The following UBN2 variants were observed in gnomAD, a reference collection of about 807,000 sequenced individuals.
UBN2 encodes ubinuclein-2.
A neutral mutation model predicts 120.2 loss-of-function variants in UBN2; 35 were observed. The observed-to-expected ratio is 0.29, with a 90% CI of 0.22 to 0.39. UBN2 has a LOEUF of 0.39. UBN2 is among the 10% of genes least tolerant of loss of function. The pLI is 1.00. For missense variants in UBN2, 1,693 were observed against 1,663.2 expected (o/e 1.02, Z -0.31); for synonymous variants, 661 against 648.7 (o/e 1.02, Z -0.29).
intron 17 of UBN2, 116 bp from the exon 18 acceptor site, chr7:139,297,671 C>G (rs548101946): frequency 2.2e-6 from 2 of 900,174 alleles, no homozygotes; most frequent in East Asian, 2.6e-5. Context: ...AAAGTGATAT[C>G]TTTTCAGAGA....
the UBN2 span, among the ~76,000 whole-genome samples, chr7:139,314,377 C>T: frequency 1.9e-4 from 28 of 151,038 alleles, no homozygotes; most frequent in Admixed American, 6.6e-4. Context: ...ATCGCTTGAA[C>T]CCGGGAGGCA....
At chr7:139,265,152 A>C (rs1342324035) in intron 6 of UBN2, among the ~76,000 whole-genome samples, 2 of 151,994 alleles carry the variant, frequency 1.3e-5, no homozygotes, top group Admixed American at 1.3e-4. Flanking sequence ...TCTTGATGGG[A>C]ATTGATTTTT....
At chr7:139,297,706 A>G in intron 17 of UBN2, 81 bp from the exon 18 acceptor site, 2 of 1,279,570 alleles carry the variant, frequency 1.6e-6, no homozygotes, top group Non-Finnish European at 2.3e-6. Context: ...GATAAAAGTT[A>G]ATTGTTGTTT....
chr7:139,293,087 A>T, intron 15 of UBN2, 145 bp from the exon 16 acceptor site: 1 of 655,548 alleles, frequency 1.5e-6, no homozygotes, highest in Non-Finnish European at 2.6e-6. Context: ...TAAGGAACCT[A>T]CCGTGGTAAT....
the UBN2 span, among the ~76,000 whole-genome samples, chr7:139,319,245 G>A: frequency 6.6e-6 from 1 of 152,080 alleles, no homozygotes; most frequent in Non-Finnish European, 1.5e-5. Flanking sequence ...ACCATGCCTG[G>A]CTAATTTTTG....
intron 1 of UBN2, among the ~76,000 whole-genome samples, 181 bp downstream of exon 1, chr7:139,232,133 A>G (rs938693658): frequency 2.0e-5 from 3 of 151,792 alleles, no homozygotes; most frequent in Non-Finnish European, 4.4e-5. Flanking sequence ...TCCACTCCCC[A>G]GGGTGGCCGA....
chr7:139,260,701 A>T (rs923189307), intron 5 of UBN2, among the ~76,000 whole-genome samples: 1 of 152,154 alleles, frequency 6.6e-6, no homozygotes, highest in Non-Finnish European at 1.5e-5. Context: ...AGGAGGAAAA[A>T]TGTGTATATT....
In UBN2 at chr7:139,275,969, A is replaced by AT. The variant is rs1273355143; in HGVS notation, c.1974-126dup. On this transcript the variant is annotated intron_variant, in intron 11 of 17. Transcript: ENST00000473989. ...AATAGATTATTGAGTATACTGTACC[A>AT]TTATAACTTTTACTTGGTAAATAAG... The AT allele has an allele frequency of 1.2e-5, 9 of 728,182 alleles. No homozygotes were observed. In the Admixed American group the frequency reaches 2.4e-4, roughly 19 times the overall value. 45.1% of individuals were successfully genotyped at this position (728,182 alleles called of 1,614,324 possible).
chr7:139,261,132 A>G lies in UBN2; in HGVS notation c.906-120A>G, dbSNP rs1585002748. 4.1e-6 allele frequency: 5 copies of G among 1,215,530 alleles called. No homozygotes were observed. The East Asian group carries it at 9.9e-5, about 24-fold the overall frequency. The allele number at this position is 1,215,530 out of a possible 1,614,324, so 75.3% of individuals were successfully genotyped here. Reference sequence around the variant, plus strand: ...TTGTAATAGTATAAGTTAATAAGAAATTAAGAAAACTGCTCTGTCACCTGT... The same window carrying G: ...TTGTAATAGTATAAGTTAATAAGAAGTTAAGAAAACTGCTCTGTCACCTGT... On this transcript the variant is annotated intron_variant, in intron 5 of 17. Coordinates refer to ENST00000473989, the MANE Select transcript of UBN2 (RefSeq NM_173569.4).
intron 10 of UBN2, 148 bp from the exon 11 acceptor site, chr7:139,273,783 T>G (rs1797360065): frequency 1.1e-5 from 7 of 629,762 alleles, no homozygotes; most frequent in Non-Finnish European, 1.8e-5. Context: ...GGAAATTGTT[T>G]CATATTGCAG....
rs529242945 is a variant in UBN2, at chr7:139,232,845, T to C, written c.468+893T>C. Reference sequence around the variant, plus strand: ...TGCTTTTGATGTAAGAGGTGAACAATGGAGAAAGGATAGGGGTTATGTTCG... The same window carrying C: ...TGCTTTTGATGTAAGAGGTGAACAACGGAGAAAGGATAGGGGTTATGTTCG... On this transcript the variant is annotated intron_variant, in intron 1 of 17. Transcript: ENST00000473989. 3.3e-5 allele frequency among the ~76,000 whole-genome samples: 5 copies of C among 152,296 alleles called. No homozygotes were observed. In the East Asian group the frequency reaches 5.8e-4, roughly 18 times the overall value.
chr7:139,260,912 G>A (rs927270053), intron 5 of UBN2, among the ~76,000 whole-genome samples: 1 of 152,176 alleles, frequency 6.6e-6, no homozygotes, highest in African/African-American at 2.4e-5. Context: ...GAAACACGGG[G>A]CTGCCTTTAA....
intron 17 of UBN2, among the ~76,000 whole-genome samples, chr7:139,294,962 T>C (rs1483606865): frequency 6.6e-6 from 1 of 152,242 alleles, no homozygotes; most frequent in Non-Finnish European, 1.5e-5. Context: ...GGGCTCCAGC[T>C]TCTCGTTTTC....
In UBN2 at chr7:139,304,733, G is replaced by C. The variant is rs1022148564; in HGVS notation, c.*6897G>C. 1 of 152,136 alleles carries C rather than the reference G, an allele frequency of 6.6e-6. No individual in the cohort carries two copies. The highest frequency in any genetic ancestry group is 2.4e-5 in the African/African-American group (1 of 41,326). The allele number at this position is 152,136 out of a possible 1,614,324, so 9.4% of individuals were successfully genotyped here. On this transcript the variant is annotated 3_prime_UTR_variant, in exon 18 of 18. Coordinates refer to ENST00000473989, the MANE Select transcript of UBN2 (RefSeq NM_173569.4). Reference sequence around the variant, plus strand: ...TGTGTGTGTGTGTGTGTGTGTGTGTGTGTGTGTCTGTAAGTCACTTTTTGG... The same window carrying C: ...TGTGTGTGTGTGTGTGTGTGTGTGTCTGTGTGTCTGTAAGTCACTTTTTGG...
At position 139,238,686 on chromosome 7, in the gene UBN2, A is replaced by G. The variant is rs566607255; in HGVS notation, c.561+1589A>G. ...ATCTGTCCACCTTGGCCTCCCAAAG[A>G]GCTGGGATTACAGGCGTGAGCCATT... is the stretch of plus-strand genomic sequence containing the variant. On this transcript the variant is annotated intron_variant, in intron 2 of 17. Coordinates refer to ENST00000473989, the MANE Select transcript of UBN2 (RefSeq NM_173569.4). Among the ~76,000 whole-genome samples the G allele has an allele frequency of 5.9e-5, 9 of 152,210 alleles. No homozygotes were observed. In the South Asian group the frequency reaches 1.9e-3, roughly 32 times the overall value.
intron 17 of UBN2, among the ~76,000 whole-genome samples, chr7:139,296,539 T>C (rs920986797): frequency 6.6e-6 from 1 of 152,222 alleles, no homozygotes; most frequent in Non-Finnish European, 1.5e-5. Context: ...GGCCTCATTT[T>C]TCTTGCTAAG....
chr7:139,246,065 G>C (rs948684922), intron 2 of UBN2, among the ~76,000 whole-genome samples: 6 of 152,080 alleles, frequency 3.9e-5, no homozygotes, highest in Non-Finnish European at 8.8e-5. Flanking sequence ...AATTATGCAG[G>C]ATAAATTTGA....
At chr7:139,247,747 T>A (rs1172073795) in intron 2 of UBN2, among the ~76,000 whole-genome samples, 2 of 152,192 alleles carry the variant, frequency 1.3e-5, no homozygotes, top group African/African-American at 4.8e-5. Flanking sequence ...TCTAGCTGTT[T>A]TATTCCCCAA....
Position 139,259,299 on chromosome 7 carries a change from G to A in UBN2, c.834G>A (p.Met278Ile), listed in dbSNP as rs878916059. ...AAATAAAAGAAGATGATATTGAGAT[G>A]AAGAAGCGGAAGCGGAAAGAGGAAG... Reference protein sequence around the residue: ...VPKIKEDDIEMKKRKRKEEGE... With the variant: ...VPKIKEDDIEIKKRKRKEEGE... The change falls in exon 5 of 18, where the codon ATG becomes ATA. Residue 278 changes from methionine (M) to isoleucine (I), a missense_variant. Met to Ile is a conservative substitution (Grantham distance 10, BLOSUM62 1). Transcript: ENST00000473989. 1.2e-6 allele frequency: 2 copies of A among 1,613,882 alleles called. No individual in the cohort carries two copies. The highest frequency in any genetic ancestry group is 2.2e-5 in the South Asian group (2 of 91,044).
Sources: allele counts gnomAD v4.1 joint callset (sites outside exome capture counted in the v4.1 genomes callset), GRCh38; gene constraint gnomAD v4.1.1; transcripts MANE v1.5; gene names NCBI Gene and HGNC (gene_info 2026-07-23, HGNC 2026-07-21).